The following ABCD4 variants were observed in gnomAD, a reference collection of about 807,000 sequenced individuals.
The protein encoded by ABCD4 is ATP binding cassette subfamily D member 4, also known as lysosomal cobalamin transporter ABCD4.
Under a neutral mutation model 86.3 loss-of-function variants are expected in ABCD4, and 53 were observed. The ratio of observed to expected loss-of-function variants is 0.61; its 90% CI spans 0.49 to 0.77. ABCD4 has a LOEUF of 0.77. Ranked by LOEUF, ABCD4 falls within the 30% of genes least tolerant of loss-of-function variation. The pLI is 0.00. For synonymous variants in ABCD4, 328 were observed against 313.6 expected, an observed-to-expected ratio of 1.05 and a Z score of -0.49; for missense variants, 757 against 764.5, an observed-to-expected ratio of 0.99 and a Z score of 0.12.
chr14:74,287,799 C>A lies in ABCD4; in HGVS notation c.1636+11G>T. The A allele has an allele frequency of 6.8e-6, 11 of 1,606,992 alleles. No homozygotes were observed. The highest frequency in any genetic ancestry group is 9.3e-6 in the Non-Finnish European group (11 of 1,176,646). ...GCGCATGGCATGTGCAGCCACAAGG[C>A]GAGACCTCACCTGCGTACTTCGGCT... On this transcript the variant is annotated intron_variant, in intron 17 of 18. Coordinates refer to ENST00000356924, the MANE Select transcript of ABCD4 (RefSeq NM_005050.4).
At position 74,295,855 on chromosome 14, in the gene ABCD4, T is replaced by TA; in HGVS notation, c.666dup (p.Arg223Ter). On this transcript the variant is annotated frameshift_variant and splice_region_variant, in exon 6 of 19. Coordinates refer to ENST00000356924, the MANE Select transcript of ABCD4 (RefSeq NM_005050.4). LOFTEE classifies it high-confidence loss of function. ...AAACCTCAAGTGAGGGAGACACACC[T>TA]AAAATCTCCCTCCAGCTTCTCCTGA... The TA allele has an allele frequency of 5.0e-6, 8 of 1,613,460 alleles. No individual in the cohort carries two copies. The highest frequency in any genetic ancestry group is 6.8e-6 in the Non-Finnish European group (8 of 1,179,852).
intron 1 of ABCD4, among the ~76,000 whole-genome samples, chr14:74,300,622 A>C (rs936314699): frequency 6.6e-6 from 1 of 151,972 alleles, no homozygotes; most frequent in African/African-American, 2.4e-5. Flanking sequence ...AAAAACAAAA[A>C]ACTTAAAAAA....
Position 74,286,297 on chromosome 14 carries a change from T to G in ABCD4, c.*164A>C. 1 of 676,844 alleles carries G rather than the reference T, an allele frequency of 1.5e-6. No homozygotes were observed. Among genetic ancestry groups the G allele is most frequent in the Non-Finnish European group, 2.5e-6 (1 of 397,976 alleles). The allele number at this position is 676,844 out of a possible 1,614,324, so 41.9% of individuals were successfully genotyped here. ...AGTGTCCCCCACAGAAACCTAGACC[T>G]GGGCTCAGCCCACCACTGCTAGGGG... On this transcript the variant is annotated 3_prime_UTR_variant, in exon 19 of 19. Coordinates refer to ENST00000356924, the MANE Select transcript of ABCD4 (RefSeq NM_005050.4).
chr14:74,290,215 C>G, intron 12 of ABCD4, 76 bp downstream of exon 12: 1 of 1,611,470 alleles, frequency 6.2e-7, no homozygotes, highest in Non-Finnish European at 8.5e-7. Context: ...AGAATGGATT[C>G]TACCACACCG....
chr14:74,295,124 G>A (rs2082507984), intron 7 of ABCD4, 24 bp downstream of exon 7: 2 of 1,613,748 alleles, frequency 1.2e-6, no homozygotes, highest in African/African-American at 1.3e-5. Context: ...CAAGGCAGAA[G>A]GGGAACCATC....
Position 74,299,390 on chromosome 14 carries a change from G to A in ABCD4, c.285+158C>T, listed in dbSNP as rs537727358. The A allele has an allele frequency of 1.4e-4, 124 of 894,836 alleles. 2 individuals carry two copies. Among genetic ancestry groups the A allele is most frequent in the Middle Eastern group, 6.5e-4 (2 of 3,074 alleles). 55.4% of individuals were successfully genotyped at this position (894,836 alleles called of 1,614,324 possible). ...CACGTGGGCCAATAGCAAGATCAAC[G>A]TGCTTAATAAAGGCAACTATCCCTT... On this transcript the variant is annotated intron_variant, in intron 3 of 18. Transcript: ENST00000356924.
chr14:74,287,761 G>A (rs768187791), intron 17 of ABCD4, 49 bp downstream of exon 17: 12 of 1,530,822 alleles, frequency 7.8e-6, no homozygotes, highest in Admixed American at 1.8e-5. Context: ...TGCTACACCC[G>A]TGAGTGCAGA....
chr14:74,299,522 GAC>G (rs1434774089), intron 3 of ABCD4, 24 bp downstream of exon 3: 1 of 1,611,926 alleles, frequency 6.2e-7, no homozygotes, highest in Non-Finnish European at 8.5e-7. Flanking sequence ...GAGGACGAGA[GAC>G]ACAGAGAGAG....
At chr14:74,296,579 G>A (rs1207372383) in intron 4 of ABCD4, 130 bp from the exon 5 acceptor site, 1 of 773,860 alleles carries the variant, frequency 1.3e-6, no homozygotes, top group South Asian at 1.7e-5. Context: ...CCTATGGGAA[G>A]AGGGAACCAG....
rs2079583348 is a variant in ABCD4, at chr14:74,285,569, TGAAGG to T, written c.*887_*891del. The T allele has an allele frequency of 6.6e-6, 1 of 152,182 alleles. No individual in the cohort carries two copies. Among genetic ancestry groups the T allele is most frequent in the Non-Finnish European group, 1.5e-5 (1 of 68,036 alleles). The allele number at this position is 152,182 out of a possible 1,614,324, so 9.4% of individuals were successfully genotyped here. ...AAGTACAGAAGCCTGGCAAAAATTATGAAGGTAAGGAAGGTAATACATAGACAACT... is the reference window on the plus strand; with the variant it reads ...AAGTACAGAAGCCTGGCAAAAATTATTAAGGAAGGTAATACATAGACAACT... On this transcript the variant is annotated 3_prime_UTR_variant, in exon 19 of 19. Transcript: ENST00000356924.
chr14:74,288,583 C>T lies in ABCD4; in HGVS notation c.1506+133G>A, dbSNP rs2080479929. ...CCTGGCCAACAGCACACACTGTCAA[C>T]TGATACTCCCATTCTCCACCCCAGG... On this transcript the variant is annotated intron_variant, in intron 15 of 18. Transcript: ENST00000356924. The T allele has an allele frequency of 4.8e-6, 5 of 1,032,888 alleles. No individual in the cohort carries two copies. The East Asian group carries it at 1.3e-4, about 27-fold the overall frequency. The allele number at this position is 1,032,888 out of a possible 1,614,324, so 64.0% of individuals were successfully genotyped here.
At position 74,289,555 on chromosome 14, in the gene ABCD4, G is replaced by A. The variant is rs755158409; in HGVS notation, c.1420-36C>T. The A allele has an allele frequency of 9.9e-6, 16 of 1,610,956 alleles. No individual in the cohort carries two copies. In the South Asian group the frequency reaches 1.8e-4, roughly 18 times the overall value. On this transcript the variant is annotated intron_variant, in intron 13 of 18. Coordinates refer to ENST00000356924, the MANE Select transcript of ABCD4 (RefSeq NM_005050.4). ...AAAAAAACCACACCAACCTAGGAGG[G>A]CGAGCAAAAGACGGAGCTGCACACA... is the stretch of plus-strand genomic sequence containing the variant.
At chr14:74,290,237 ACCCCAC>A in intron 12 of ABCD4, 48 bp downstream of exon 12, 1 of 1,611,322 alleles carries the variant, frequency 6.2e-7, no homozygotes, top group Non-Finnish European at 8.5e-7. Flanking sequence ...CCCCGCCTTC[ACCCCAC>A]CCCTAGGGCC....
intron 6 of ABCD4, 168 bp downstream of exon 6, chr14:74,295,686 T>C: frequency 3.5e-6 from 3 of 857,610 alleles, no homozygotes; most frequent in Non-Finnish European, 5.3e-6. Context: ...CGGTACCATT[T>C]CCACTTTAGA....
intron 1 of ABCD4, 21 bp from the exon 2 acceptor site, chr14:74,300,289 C>G: frequency 6.6e-7 from 1 of 1,509,148 alleles, no homozygotes; most frequent in African/African-American, 1.4e-5. Context: ...GGTGGGGAGG[C>G]AGAGAAAAGC....
intron 13 of ABCD4, chr14:74,289,822 C>T: frequency 6.9e-7 from 1 of 1,439,922 alleles, no homozygotes; most frequent in Non-Finnish European, 9.1e-7. Flanking sequence ...CATTTACCTG[C>T]CTCAGGAGCT....
intron 13 of ABCD4, 94 bp from the exon 14 acceptor site, chr14:74,289,613 C>T: frequency 1.3e-6 from 2 of 1,546,460 alleles, no homozygotes; most frequent in South Asian, 1.2e-5. Context: ...ACTGGAACCT[C>T]CCAAGGAGGA....
Position 74,299,280 on chromosome 14 carries a change from G to A in ABCD4, c.285+268C>T. 3 of 330,914 alleles carry A rather than the reference G, an allele frequency of 9.1e-6. 1 individual carries two copies. In the South Asian group the frequency reaches 1.1e-4, roughly 12 times the overall value. 20.5% of individuals were successfully genotyped at this position (330,914 alleles called of 1,614,324 possible). ...AAATAAGAGTTCTAGGAAGGAAAGG[G>A]GCAATGATCAGTTCTGCTAAATGCT... On this transcript the variant is annotated intron_variant, in intron 3 of 18. Transcript: ENST00000356924.
rs755014125 is a variant in ABCD4, at chr14:74,295,142, A to G, written c.719+6T>C. 2.1e-4 allele frequency: 346 copies of G among 1,613,932 alleles called. No homozygotes were observed. The highest frequency in any genetic ancestry group is 2.5e-4 in the Non-Finnish European group (294 of 1,179,960). Reference sequence around the variant, plus strand: ...GGCAGAAGGGGAACCATCTCTCCAGACTCACCTGTAGAAAGCAGCAGGCTC... The same window carrying G: ...GGCAGAAGGGGAACCATCTCTCCAGGCTCACCTGTAGAAAGCAGCAGGCTC... On this transcript the variant is annotated splice_donor_region_variant and intron_variant, in intron 7 of 18. Transcript: ENST00000356924.
Sources: gnomAD v4.1 joint callset for allele counts (sites outside exome capture counted in the v4.1 genomes callset) on GRCh38, gnomAD v4.1.1 for gene constraint, MANE v1.5 for transcripts, NCBI Gene and HGNC (gene_info 2026-07-23, HGNC 2026-07-21) for gene names.